LMCD1: variants seen among roughly 807,000 people sequenced by gnomAD.
LMCD1 encodes the protein LIM and cysteine-rich domains protein 1.
A neutral mutation model predicts 42.7 loss-of-function variants in LMCD1; 32 were observed. The observed-to-expected ratio is 0.75, with a 90% confidence interval of 0.57 to 1.01. The LOEUF (loss-of-function observed/expected upper bound fraction) is 1.01. Among genes scored for constraint, LMCD1 ranks in the 50% least tolerant of loss-of-function variants. The pLI is 0.00. For missense variants in LMCD1, 458 were observed against 483.1 expected (o/e 0.95, Z 0.49); for synonymous variants, 178 against 184.9 (o/e 0.96, Z 0.30).
intron 1 of LMCD1, among the ~76,000 whole-genome samples, chr3:8,518,556 C>G (rs572219281): frequency 1.3e-4 from 20 of 152,266 alleles, no homozygotes; most frequent in African/African-American, 4.1e-4. Flanking sequence ...TTGCCTTGAG[C>G]AGTTGACTGG....
intron 1 of LMCD1, among the ~76,000 whole-genome samples, chr3:8,520,055 T>C (rs1694174742): frequency 6.6e-6 from 1 of 152,168 alleles, no homozygotes; most frequent in Non-Finnish European, 1.5e-5. Flanking sequence ...GTGCTGTACG[T>C]TTATACAACA....
chr3:8,509,239 GT>G (rs377555831), intron 1 of LMCD1, among the ~76,000 whole-genome samples: 163 of 152,264 alleles, frequency 1.1e-3, no homozygotes, highest in African/African-American at 3.7e-3. Context: ...ACCAAATTCA[GT>G]TTACCTACAT....
intron 4 of LMCD1, among the ~76,000 whole-genome samples, chr3:8,552,141 T>C (rs1232071568): frequency 6.6e-6 from 1 of 152,186 alleles, no homozygotes; most frequent in Non-Finnish European, 1.5e-5. Flanking sequence ...TCCGTGGGCA[T>C]TGCCTGAACC....
intron 1 of LMCD1, chr3:8,514,858 T>A (rs1173429517): frequency 2.2e-6 from 1 of 445,438 alleles, no homozygotes; most frequent in African/African-American, 2.0e-5. Flanking sequence ...GAAGAGGTGT[T>A]TATTGAATAG....
chr3:8,538,375 T>G (rs6776597), intron 3 of LMCD1, among the ~76,000 whole-genome samples: 6 of 152,022 alleles, frequency 3.9e-5, no homozygotes, highest in Non-Finnish European at 5.9e-5. Context: ...GATTTCTATA[T>G]GTTAATACAA....
intron 3 of LMCD1, among the ~76,000 whole-genome samples, chr3:8,542,837 T>G (rs73130080): frequency 2.9e-4 from 44 of 152,294 alleles, no homozygotes; most frequent in African/African-American, 1.0e-3. Flanking sequence ...ACCTTCCTCC[T>G]AGGGTTGTTG....
chr3:8,530,734 G>A (rs1354064958), intron 1 of LMCD1, among the ~76,000 whole-genome samples: 1 of 152,212 alleles, frequency 6.6e-6, no homozygotes, highest in African/African-American at 2.4e-5. Flanking sequence ...TCAACTAGGA[G>A]AACTGAAGGT....
intron 1 of LMCD1, among the ~76,000 whole-genome samples, chr3:8,508,461 A>T (rs1330406943): frequency 1.3e-5 from 2 of 152,228 alleles, no homozygotes; most frequent in Admixed American, 1.3e-4. Flanking sequence ...TTTCAAATCC[A>T]CATGCTTTGT....
chr3:8,558,482 T>C (rs1403111598), intron 4 of LMCD1, among the ~76,000 whole-genome samples: 1 of 152,214 alleles, frequency 6.6e-6, no homozygotes, highest in Non-Finnish European at 1.5e-5. Flanking sequence ...GTTTCACACA[T>C]CCTCTACCCA....
intron 4 of LMCD1, among the ~76,000 whole-genome samples, chr3:8,562,267 C>A (rs1695053364): frequency 6.6e-6 from 1 of 152,218 alleles, no homozygotes; most frequent in South Asian, 2.1e-4. Flanking sequence ...CAGCCAGGCA[C>A]TGGCTACATT....
intron 1 of LMCD1, among the ~76,000 whole-genome samples, chr3:8,510,751 A>C (rs1693979145): frequency 6.6e-6 from 1 of 152,240 alleles, no homozygotes; most frequent in Non-Finnish European, 1.5e-5. Flanking sequence ...CACATCTGTT[A>C]GTAAGTCACA....
rs1468598775 is a variant in LMCD1, at chr3:8,571,200, A to G, written c.*3602A>G. On this transcript the variant is annotated 3_prime_UTR_variant, in exon 6 of 6. Transcript: ENST00000157600. ...ATCCCAGGCTTACAGTAATTCTTCC[A>G]AGGCCTTTATTGTGCTATAATTATT... 1 of 152,074 alleles carries G rather than the reference A, an allele frequency of 6.6e-6. No individual in the cohort carries two copies. The highest frequency in any genetic ancestry group is 1.9e-4 in the East Asian group (1 of 5,194). 9.4% of individuals were successfully genotyped at this position (152,074 alleles called of 1,614,324 possible).
intron 4 of LMCD1, among the ~76,000 whole-genome samples, chr3:8,552,189 C>A (rs1440450453): frequency 1.3e-5 from 2 of 152,216 alleles, no homozygotes; most frequent in Non-Finnish European, 2.9e-5. Context: ...TTAAAGCTTA[C>A]AACTGCCCCA....
At position 8,554,714 on chromosome 3, in the gene LMCD1, C is replaced by T. The variant is rs184154703; in HGVS notation, c.723+5811C>T. Among the ~76,000 whole-genome samples the T allele has an allele frequency of 3.5e-4, 54 of 152,326 alleles. No homozygotes were observed. The East Asian group carries it at 9.3e-3, about 26-fold the overall frequency. ...GCCCCTGAGCTGGGTGGGCAATGATCTTCATGTTCTGACTCTTAGCAGCTC... is the reference window on the plus strand; with the variant it reads ...GCCCCTGAGCTGGGTGGGCAATGATTTTCATGTTCTGACTCTTAGCAGCTC... On this transcript the variant is annotated intron_variant, in intron 4 of 5. Coordinates refer to ENST00000157600, the MANE Select transcript of LMCD1 (RefSeq NM_014583.4).
chr3:8,517,145 C>A (rs1206665302), intron 1 of LMCD1, among the ~76,000 whole-genome samples: 1 of 152,172 alleles, frequency 6.6e-6, no homozygotes, highest in Non-Finnish European at 1.5e-5. Flanking sequence ...GTGGGAGGAT[C>A]CCTTGTATGA....
chr3:8,549,524 TC>T (rs1694801735), intron 4 of LMCD1, among the ~76,000 whole-genome samples: 1 of 152,126 alleles, frequency 6.6e-6, no homozygotes, highest in African/African-American at 2.4e-5. Context: ...GAGGACACTG[TC>T]CCCAAACTGC....
chr3:8,550,884 C>T (rs1031904590), intron 4 of LMCD1: 8 of 985,236 alleles, frequency 8.1e-6, no homozygotes, highest in South Asian at 9.4e-5. Flanking sequence ...GATCTGACAT[C>T]GTGTTTTATT....
At chr3:8,532,594 A>C in intron 1 of LMCD1, 143 bp from the exon 2 acceptor site, 1 of 694,264 alleles carries the variant, frequency 1.4e-6, no homozygotes, top group Non-Finnish European at 2.6e-6. Context: ...GTTCCCGGTA[A>C]ACAGTTTGTG....
intron 1 of LMCD1, among the ~76,000 whole-genome samples, chr3:8,509,455 G>A (rs890990279): frequency 2.6e-5 from 4 of 152,182 alleles, no homozygotes; most frequent in African/African-American, 9.7e-5. Flanking sequence ...TTGCTTATAA[G>A]ATAGGGCAAC....
Sources: allele counts gnomAD v4.1 joint callset (sites outside exome capture counted in the v4.1 genomes callset), GRCh38; gene constraint gnomAD v4.1.1; transcripts MANE v1.5; gene names NCBI Gene and HGNC (gene_info 2026-07-23, HGNC 2026-07-21).